The following SPATA16 variants were observed in gnomAD, a reference collection of about 807,000 sequenced individuals.
SPATA16 encodes spermatogenesis-associated protein 16.
A neutral mutation model predicts 63.3 loss-of-function variants in SPATA16; 36 were observed. The ratio of observed to expected loss-of-function variants is 0.57; its 90% CI spans 0.44 to 0.75. SPATA16 has a LOEUF of 0.75. SPATA16 is among the 30% of genes least tolerant of loss of function. The probability of loss-of-function intolerance (pLI) is 0.00; values close to 1 mark genes in which losing one functional copy is unlikely to be tolerated. For missense variants in SPATA16, 646 were observed against 679.3 expected (o/e 0.95, Z 0.54); for synonymous variants, 203 against 216.7 (o/e 0.94, Z 0.56).
intron 6 of SPATA16, among the ~76,000 whole-genome samples, chr3:172,936,795 C>T (rs1577096309): frequency 6.6e-6 from 1 of 152,122 alleles, no homozygotes; most frequent in African/African-American, 2.4e-5. Flanking sequence ...GCAACCTCTG[C>T]CTTCTGGGTT....
intron 1 of SPATA16, among the ~76,000 whole-genome samples, chr3:173,122,680 A>G (rs896972344): frequency 2.0e-5 from 3 of 152,196 alleles, no homozygotes; most frequent in African/African-American, 7.2e-5. Context: ...TACTATGAGC[A>G]AGGTGCTGTG....
At chr3:172,982,821 A>G (rs1174345704) in intron 4 of SPATA16, among the ~76,000 whole-genome samples, 3 of 152,232 alleles carry the variant, frequency 2.0e-5, no homozygotes, top group Non-Finnish European at 4.4e-5. Flanking sequence ...CAATTCTAAG[A>G]GTATGAGAAA....
chr3:172,970,668 A>T (rs1451527267), intron 5 of SPATA16, among the ~76,000 whole-genome samples: 1 of 152,220 alleles, frequency 6.6e-6, no homozygotes, highest in Non-Finnish European at 1.5e-5. Flanking sequence ...TCTGCCTGAC[A>T]GGGCCAAATA....
intron 2 of SPATA16, among the ~76,000 whole-genome samples, chr3:173,083,955 A>G (rs1331892426): frequency 6.6e-6 from 1 of 152,106 alleles, no homozygotes; most frequent in Non-Finnish European, 1.5e-5. Context: ...AAGTATTCAC[A>G]ATAGCAAAGA....
chr3:173,040,980 T>C (rs1007648623), intron 3 of SPATA16, among the ~76,000 whole-genome samples: 2 of 152,170 alleles, frequency 1.3e-5, no homozygotes, highest in Admixed American at 1.3e-4. Flanking sequence ...GTATAATCTT[T>C]GCCCTTTCAC....
chr3:172,902,428 A>T (rs1015655722), intron 10 of SPATA16, among the ~76,000 whole-genome samples: 1 of 152,190 alleles, frequency 6.6e-6, no homozygotes, highest in African/African-American at 2.4e-5. Flanking sequence ...GTACTCTATC[A>T]TAGGTTTTTA....
intron 2 of SPATA16, among the ~76,000 whole-genome samples, chr3:173,115,085 G>GA (rs1251269110): frequency 6.6e-6 from 1 of 151,542 alleles, no homozygotes; most frequent in African/African-American, 2.4e-5. Flanking sequence ...ACAGGAGAGA[G>GA]AAAAAAAAGA....
intron 2 of SPATA16, among the ~76,000 whole-genome samples, chr3:173,078,670 C>T (rs1360995159): frequency 2.0e-5 from 3 of 152,102 alleles, no homozygotes; most frequent in Admixed American, 1.3e-4. Flanking sequence ...ACTTCCCAAC[C>T]GTCACATTTG....
chr3:173,027,293 A>G lies in SPATA16; in HGVS notation c.759-7718T>C, dbSNP rs544351405. On this transcript the variant is annotated intron_variant, in intron 3 of 10. Coordinates refer to ENST00000351008, the MANE Select transcript of SPATA16 (RefSeq NM_031955.6). The stretch of plus-strand genomic sequence containing the variant: ...CTACATCATACTACTAAGCTTAATT[A>G]TTAGTTCCAAAAGCTTTTCCAAAAA... Among the ~76,000 whole-genome samples, 7 of 152,114 alleles carry G rather than the reference A, an allele frequency of 4.6e-5. No homozygotes were observed. The South Asian group carries it at 1.4e-3, about 32-fold the overall frequency.
intron 6 of SPATA16, among the ~76,000 whole-genome samples, chr3:172,939,063 CG>C (rs1733081955): frequency 6.6e-6 from 1 of 152,076 alleles, no homozygotes; most frequent in Admixed American, 6.6e-5. Flanking sequence ...ACTTATGACC[CG>C]GGAGCCCCCG....
intron 3 of SPATA16, among the ~76,000 whole-genome samples, chr3:173,041,130 T>C (rs1735830333): frequency 6.6e-6 from 1 of 152,164 alleles, no homozygotes; most frequent in Non-Finnish European, 1.5e-5. Context: ...AAAGTACTAA[T>C]GATCCATATA....
In SPATA16 at chr3:173,028,036, TTC is replaced by T. The variant is rs1560101055; in HGVS notation, c.759-8463_759-8462del. Among the ~76,000 whole-genome samples the T allele has an allele frequency of 3.9e-3, 382 of 99,082 alleles. 11 individuals carry two copies. Among genetic ancestry groups the T allele is most frequent in the African/African-American group, 0.016 (364 of 23,428 alleles). 65.0% of individuals were successfully genotyped at this position (99,082 alleles called of 152,430 possible). Reference sequence around the variant, plus strand: ...CTCCCTTCCTTCTTTCCTTCCTTCCTTCCTTCCTTCCTTCCTTCCTTCCTTCC... The same window carrying T: ...CTCCCTTCCTTCTTTCCTTCCTTCCTCTTCCTTCCTTCCTTCCTTCCTTCC... On this transcript the variant is annotated intron_variant, in intron 3 of 10. Transcript: ENST00000351008.
At chr3:173,018,273 A>ATTTTTT in intron 4 of SPATA16, among the ~76,000 whole-genome samples, 1 of 137,696 alleles carries the variant, frequency 7.3e-6, no homozygotes, top group Non-Finnish European at 1.6e-5. Context: ...CACAATGTCA[A>ATTTTTT]TTTTTTTTTT....
intron 4 of SPATA16, among the ~76,000 whole-genome samples, chr3:173,008,137 C>G (rs1276691895): frequency 6.6e-6 from 1 of 152,154 alleles, no homozygotes; most frequent in Non-Finnish European, 1.5e-5. Flanking sequence ...TCATTTACAA[C>G]TAGAAGACAG....
chr3:172,912,527 T>C (rs2109560652), intron 10 of SPATA16, among the ~76,000 whole-genome samples: 1 of 152,320 alleles, frequency 6.6e-6, no homozygotes, highest in South Asian at 2.1e-4. Context: ...GCATATTTTC[T>C]TCTGCTTTTG....
chr3:172,947,620 T>TC (rs113008795), intron 6 of SPATA16, among the ~76,000 whole-genome samples: 13,266 of 152,140 alleles, frequency 0.087, 1,928 homozygotes, highest in African/African-American at 0.3. Context: ...TGAGTTCTTG[T>TC]CTTTGCAGGG....
At chr3:173,114,753 C>T (rs113696714) in intron 2 of SPATA16, among the ~76,000 whole-genome samples, 3 of 152,132 alleles carry the variant, frequency 2.0e-5, no homozygotes, top group Admixed American at 2.0e-4. Flanking sequence ...TATTCAAAGC[C>T]ATGTTAGGAC....
At chr3:172,991,626 A>G (rs557975929) in intron 4 of SPATA16, among the ~76,000 whole-genome samples, 106 of 152,306 alleles carry the variant, frequency 7.0e-4, no homozygotes, top group African/African-American at 2.5e-3. Flanking sequence ...TTCCAAACTC[A>G]TATTTTCTAG....
chr3:173,119,194 A>AT (rs1163089030), intron 1 of SPATA16, among the ~76,000 whole-genome samples: 1 of 152,102 alleles, frequency 6.6e-6, no homozygotes, highest in Non-Finnish European at 1.5e-5. Context: ...ATTAGGACAA[A>AT]TACCTAATGC....
Sources: allele counts gnomAD v4.1 joint callset (sites outside exome capture counted in the v4.1 genomes callset), GRCh38; gene constraint gnomAD v4.1.1; transcripts MANE v1.5; gene names NCBI Gene and HGNC (gene_info 2026-07-23, HGNC 2026-07-21).